LGMN: variants seen among roughly 807,000 people sequenced by gnomAD.
The protein encoded by LGMN is legumain.
Under a neutral mutation model 56.8 loss-of-function variants are expected in LGMN, and 36 were observed. The observed-to-expected ratio is 0.63, with a 90% CI of 0.49 to 0.84. The LOEUF (loss-of-function observed/expected upper bound fraction) is 0.84, where lower values mean the gene tolerates loss of function less well. Ranked by LOEUF, LGMN falls within the 40% of genes least tolerant of loss-of-function variation. The probability of loss-of-function intolerance (pLI) is 0.00; values close to 1 mark genes in which losing one functional copy is unlikely to be tolerated. For missense variants in LGMN, 446 were observed against 556.1 expected (o/e 0.80, Z 1.99); for synonymous variants, 199 against 210.1 (o/e 0.95, Z 0.46).
intron 12 of LGMN, 67 bp downstream of exon 12, chr14:92,706,416 T>C: frequency 7.5e-7 from 1 of 1,331,120 alleles, no homozygotes; most frequent in Non-Finnish European, 1.0e-6. Context: ...ACAACCAATG[T>C]GACTGCCAGG....
chr14:92,747,367 T>C (rs1891866501), intron 1 of LGMN, among the ~76,000 whole-genome samples: 1 of 151,984 alleles, frequency 6.6e-6, no homozygotes, highest in African/African-American at 2.4e-5. Context: ...GGCAGGTGCC[T>C]GTAATCCCAG....
intron 2 of LGMN, among the ~76,000 whole-genome samples, chr14:92,731,049 G>C (rs1244494793): frequency 6.6e-6 from 1 of 152,152 alleles, no homozygotes; most frequent in Non-Finnish European, 1.5e-5. Flanking sequence ...GTTGGCCTGG[G>C]TTTGAAAACT....
chr14:92,739,052 C>T (rs1423740090), intron 1 of LGMN, among the ~76,000 whole-genome samples: 1 of 151,346 alleles, frequency 6.6e-6, no homozygotes, highest in Non-Finnish European at 1.5e-5. Context: ...CCCACATACA[C>T]TAACACTATT....
rs1889951277 is a variant in LGMN, at chr14:92,714,279, C to A, written c.480+97G>T. 1.2e-6 allele frequency: 1 copy of A among 839,626 alleles called. No individual in the cohort carries two copies. 52.0% of individuals were successfully genotyped at this position (839,626 alleles called of 1,614,324 possible). A position where few individuals can be genotyped will look rare whatever the true frequency, so the allele number is the denominator to read the frequency against. ...CACCACACGTACAAACCAACCCTGG[C>A]AGGACACTAGAAAATACACGCTATG... On this transcript the variant is annotated intron_variant, in intron 6 of 13. Transcript: ENST00000334869. The surrounding 1 kb of genome is among the most constrained non-coding windows in gnomAD (Gnocchi z 5.1).
chr14:92,740,752 C>A (rs1004439156), intron 1 of LGMN, among the ~76,000 whole-genome samples: 1 of 152,216 alleles, frequency 6.6e-6, no homozygotes. Flanking sequence ...AATGGAGTAT[C>A]TGAGCTACAC....
chr14:92,721,415 G>A (rs909574365), intron 2 of LGMN, among the ~76,000 whole-genome samples: 3 of 152,170 alleles, frequency 2.0e-5, no homozygotes, highest in Non-Finnish European at 2.9e-5. Context: ...AGGCAACACC[G>A]TGATTTAACC....
rs377533058 is a variant in LGMN, at chr14:92,704,275, C to T, written c.*44G>A. The T allele has an allele frequency of 5.5e-5, 88 of 1,613,648 alleles. No individual in the cohort carries two copies. The highest frequency in any genetic ancestry group is 4.9e-4 in the Middle Eastern group (3 of 6,082). ...CTCCAGTCTCTGATCAGCACACAGT[C>T]GGTGGGGCGCTCACACTTGGAAAAG... On this transcript the variant is annotated 3_prime_UTR_variant, in exon 14 of 14. Transcript: ENST00000334869.
Position 92,719,127 on chromosome 14 carries a change from A to C in LGMN, c.139-283T>G, listed in dbSNP as rs1367872592. Among the ~76,000 whole-genome samples, 245 of 144,094 alleles carry C rather than the reference A, an allele frequency of 1.7e-3. 5 individuals carry two copies. In the South Asian group the frequency reaches 0.044, roughly 26 times the overall value. The allele number at this position is 144,094 out of a possible 152,430, so 94.5% of individuals were successfully genotyped here. On this transcript the variant is annotated intron_variant, in intron 2 of 13. Transcript: ENST00000334869. ...GTGCACATACACACCCCACCACCAC[A>C]ACCACCGCCACCGCCACCACCACCG...
chr14:92,737,753 G>A (rs971718875), intron 1 of LGMN, among the ~76,000 whole-genome samples: 1 of 152,192 alleles, frequency 6.6e-6, no homozygotes, highest in Non-Finnish European at 1.5e-5. Flanking sequence ...ACTAACCCAT[G>A]AGCCAGTTAC....
In LGMN at chr14:92,706,559, G is replaced by A. The variant is rs765350803; in HGVS notation, c.1115C>T (p.Pro372Leu). The A allele has an allele frequency of 2.7e-5, 43 of 1,603,016 alleles. No homozygotes were observed. Among genetic ancestry groups the A allele is most frequent in the Admixed American group, 1.2e-4 (7 of 59,856 alleles). ...TGGGTAGCAGCTGTGCCCCGTGAGC[G>A]GGGCTCTCTCGGACAGGAGCTGCTC... Reference protein sequence around the residue: ...EVEQLLSERAPLTGHSCYPEA... With the variant: ...EVEQLLSERALLTGHSCYPEA... The change falls in exon 12 of 14, where the codon CCG becomes CTG. Residue 372 changes from proline (P) to leucine (L), a missense_variant. Coordinates refer to ENST00000334869, the MANE Select transcript of LGMN (RefSeq NM_005606.7).
chr14:92,733,036 C>A (rs917569807), intron 1 of LGMN, among the ~76,000 whole-genome samples: 2 of 151,664 alleles, frequency 1.3e-5, no homozygotes, highest in Non-Finnish European at 2.9e-5. Flanking sequence ...ATAATCCCAG[C>A]TACTCGGGAG....
At chr14:92,738,381 C>T (rs1198317718) in intron 1 of LGMN, among the ~76,000 whole-genome samples, 10 of 151,708 alleles carry the variant, frequency 6.6e-5, no homozygotes, top group Admixed American at 5.9e-4. Context: ...CAGGTTCACA[C>T]CATTCTCCTG....
Position 92,746,612 on chromosome 14 carries a change from C to T in LGMN, c.-30+1877G>A, listed in dbSNP as rs562064753. On this transcript the variant is annotated intron_variant, in intron 1 of 13. Transcript: ENST00000334869. Reference sequence around the variant, plus strand: ...GTGTGGCCTTTCTCCAACACTTTTCCACACTACAGAGTATCTGAGATACAG... The same window carrying T: ...GTGTGGCCTTTCTCCAACACTTTTCTACACTACAGAGTATCTGAGATACAG... Among the ~76,000 whole-genome samples the T allele has an allele frequency of 3.3e-5, 5 of 152,296 alleles. No individual in the cohort carries two copies. The East Asian group carries it at 9.6e-4, about 29-fold the overall frequency.
rs780256263 is a variant in LGMN, at chr14:92,714,994, A to ATTT, written c.405-546_405-544dup. Among the ~76,000 whole-genome samples, 31 of 127,368 alleles carry ATTT rather than the reference A, an allele frequency of 2.4e-4. No homozygotes were observed. The highest frequency in any genetic ancestry group is 7.1e-4 in the East Asian group (3 of 4,224). 83.6% of individuals were successfully genotyped at this position (127,368 alleles called of 152,430 possible). ...CTCACAGATGTCCATCTCCATACTA[A>ATTT]TTTTTTTTTTTTTTTTTTTTTTGAG... On this transcript the variant is annotated intron_variant, in intron 5 of 13. Coordinates refer to ENST00000334869, the MANE Select transcript of LGMN (RefSeq NM_005606.7). The surrounding 1 kb of genome is among the most constrained non-coding windows in gnomAD (Gnocchi z 5.1).
intron 10 of LGMN, among the ~76,000 whole-genome samples, chr14:92,711,001 G>T (rs1415516973): frequency 6.6e-6 from 1 of 152,198 alleles, no homozygotes; most frequent in African/African-American, 2.4e-5. Context: ...CTCTCCGCTG[G>T]GGGTGGGCTT....
intron 10 of LGMN, 135 bp downstream of exon 10, chr14:92,711,524 T>A (rs1889767703): frequency 1.1e-5 from 9 of 813,180 alleles, no homozygotes; most frequent in Admixed American, 5.8e-5. Flanking sequence ...TGGAGTGGCA[T>A]GAGAGGCAGA....
chr14:92,708,321 G>A (rs190250774), intron 11 of LGMN, among the ~76,000 whole-genome samples: 163 of 152,072 alleles, frequency 1.1e-3, no homozygotes, highest in African/African-American at 3.7e-3. Flanking sequence ...AGGTTTGGCC[G>A]GGTGCAGTGG....
At chr14:92,738,772 G>GT (rs1297596126) in intron 1 of LGMN, among the ~76,000 whole-genome samples, 3 of 151,666 alleles carry the variant, frequency 2.0e-5, no homozygotes, top group Admixed American at 6.6e-5. Context: ...TGTAATCCCA[G>GT]CACTTTGGGA....
At chr14:92,734,594 C>T (rs1891213059) in intron 1 of LGMN, among the ~76,000 whole-genome samples, 1 of 150,368 alleles carries the variant, frequency 6.7e-6, no homozygotes, top group African/African-American at 2.5e-5. Flanking sequence ...GAGCCTGCAT[C>T]ATAGCACTAC....
Sources: gnomAD v4.1 joint callset for allele counts (sites outside exome capture counted in the v4.1 genomes callset) on GRCh38, gnomAD v4.1.1 for gene constraint, Gnocchi (gnomAD v3.1) non-coding constraint, MANE v1.5 for transcripts, NCBI Gene and HGNC (gene_info 2026-07-23, HGNC 2026-07-21) for gene names.